The following SYNE1 variants were observed in gnomAD, a reference collection of about 807,000 sequenced individuals.
The protein encoded by SYNE1 is spectrin repeat containing nuclear envelope protein 1.
SYNE1 carries 616 observed loss-of-function variants against 1,111.0 expected under a neutral mutation model. The observed-to-expected ratio is 0.55, with a 90% CI of 0.52 to 0.59. SYNE1 has a LOEUF of 0.59. Among genes scored for constraint, SYNE1 ranks in the 20% least tolerant of loss-of-function variants. SYNE1 has a pLI of 0.00. For synonymous variants in SYNE1, 3,855 were observed against 3,825.8 expected (o/e 1.01, Z -0.28); for missense variants, 10,006 against 10,417.0 (o/e 0.96, Z 1.72).
intron 137 of SYNE1, chr6:152,146,024 CAAAAAA>C (rs57218606): frequency 6.0e-5 from 3 of 49,706 alleles, no homozygotes; most frequent in Non-Finnish European, 1.1e-4. Flanking sequence ...GACTTCGTCT[CAAAAAA>C]AAAAAAAAAA....
At chr6:152,620,733 C>T (rs865813355) in intron 3 of SYNE1, among the ~76,000 whole-genome samples, 3 of 152,112 alleles carry the variant, frequency 2.0e-5, no homozygotes, top group African/African-American at 4.8e-5. Flanking sequence ...ACCTCTATTC[C>T]GGCCTCCCAG....
At chr6:152,415,789 T>TAAAAAAAAAAAAAAA (rs1209590450) in intron 41 of SYNE1, among the ~76,000 whole-genome samples, 1 of 73,022 alleles carries the variant, frequency 1.4e-5, no homozygotes, top group African/African-American at 5.8e-5. Context: ...TTCAAAGTGG[T>TAAAAAAAAAAAAAAA]AAAAAAAAAA....
intron 139 of SYNE1, 110 bp from the exon 140 acceptor site, chr6:152,140,271 G>T: frequency 9.4e-7 from 1 of 1,067,176 alleles, no homozygotes; most frequent in Non-Finnish European, 1.4e-6. Context: ...AGAAAGAAAA[G>T]TAATTCCACT....
At chr6:152,390,736 C>A (rs1400324940) in intron 52 of SYNE1, among the ~76,000 whole-genome samples, 1 of 152,158 alleles carries the variant, frequency 6.6e-6, no homozygotes, top group East Asian at 1.9e-4. Context: ...AAAATACATT[C>A]TTTTGAAAAT....
intron 112 of SYNE1, among the ~76,000 whole-genome samples, 183 bp downstream of exon 112, chr6:152,233,598 T>C (rs916653260): frequency 6.6e-6 from 1 of 152,144 alleles, no homozygotes; most frequent in African/African-American, 2.4e-5. Flanking sequence ...GTGCTAGGAT[T>C]ACAGGTGCGA....
At chr6:152,580,970 A>G (rs1383879445) in intron 3 of SYNE1, among the ~76,000 whole-genome samples, 1 of 152,238 alleles carries the variant, frequency 6.6e-6, no homozygotes. Flanking sequence ...ACATCTGTTA[A>G]TACCTGTAAT....
Position 152,407,915 on chromosome 6 carries a change from C to T in SYNE1, c.6541-719G>A, listed in dbSNP as rs185321092. 2.1e-3 allele frequency among the ~76,000 whole-genome samples: 319 copies of T among 152,048 alleles called. 2 individuals are homozygous for T. Among genetic ancestry groups the T allele is most frequent in the African/African-American group, 7.4e-3 (306 of 41,488 alleles). ...TAGCTAGGATTACAGGCGCTCGCCA[C>T]CACGCCCGGCTAATTTTTTGTATTT... On this transcript the variant is annotated intron_variant, in intron 44 of 145. Coordinates refer to ENST00000367255, the MANE Select transcript of SYNE1 (RefSeq NM_182961.4).
chr6:152,625,675 G>A (rs1343580158), intron 3 of SYNE1, among the ~76,000 whole-genome samples: 2 of 152,104 alleles, frequency 1.3e-5, no homozygotes, highest in South Asian at 2.1e-4. Flanking sequence ...AATGCAATAA[G>A]TATAGTTACT....
At chr6:152,283,043 C>CAAGA (rs1161288812) in intron 96 of SYNE1, among the ~76,000 whole-genome samples, 1 of 152,140 alleles carries the variant, frequency 6.6e-6, no homozygotes, top group Non-Finnish European at 1.5e-5. Flanking sequence ...ATGATAGATA[C>CAAGA]TGTAAAGGTC....
At chr6:152,560,376 A>G (rs897050198) in intron 3 of SYNE1, among the ~76,000 whole-genome samples, 6 of 152,148 alleles carry the variant, frequency 3.9e-5, no homozygotes, top group African/African-American at 1.4e-4. Flanking sequence ...AAAAAGAAAA[A>G]TAAAAGAAGA....
Position 152,347,179 on chromosome 6 carries a change from T to G in SYNE1, c.11958A>C (p.Lys3986Asn). 6.2e-7 allele frequency: 1 copy of G among 1,614,202 alleles called. No homozygotes were observed. The highest frequency in any genetic ancestry group is 8.5e-7 in the Non-Finnish European group (1 of 1,180,042). ...CACATTGGCCAATCAAAGTATCACC[T>G]TTCATTTGAAGATTGTTCAAACGGT... ...FEDRLNNLQM[K>N]GDTLIGQCAD... is the part of the protein sequence containing the mutation. Residue 3986 changes from lysine (K) to asparagine (N), a missense_variant, in exon 73 of 146, where the codon AAA becomes AAC. Physicochemically the swap from Lys to Asn is moderately conservative, Grantham distance 94. This residue lies in a region of SYNE1 where 4,955 missense variants were observed against 5,017.2 expected (regional missense o/e 0.99). Coordinates refer to ENST00000367255, the MANE Select transcript of SYNE1 (RefSeq NM_182961.4).
intron 84 of SYNE1, 81 bp from the exon 85 acceptor site, chr6:152,319,096 CA>C (rs2153904333): frequency 6.4e-7 from 1 of 1,569,272 alleles, no homozygotes; most frequent in Non-Finnish European, 8.7e-7. Flanking sequence ...ATGATGTTGA[CA>C]AGACACATTT....
chr6:152,276,315 G>A (rs964861715), intron 98 of SYNE1, among the ~76,000 whole-genome samples: 3 of 152,104 alleles, frequency 2.0e-5, no homozygotes, highest in Non-Finnish European at 2.9e-5. Context: ...GGATACAGGC[G>A]TGAGCCACTG....
Position 152,189,728 on chromosome 6 carries a change from T to C in SYNE1, c.23146-321A>G, listed in dbSNP as rs927578838. Among the ~76,000 whole-genome samples, 10 of 152,328 alleles carry C rather than the reference T, an allele frequency of 6.6e-5. No homozygotes were observed. In the South Asian group the frequency reaches 8.3e-4, roughly 13 times the overall value. ...CAATGTACATACCTTAATTTAAAAA[T>C]ACTTTATTGTTTAAAAATGCTAATG... On this transcript the variant is annotated intron_variant, in intron 127 of 145. Transcript: ENST00000367255.
At chr6:152,302,820 G>A (rs1009268535) in intron 91 of SYNE1, among the ~76,000 whole-genome samples, 10 of 151,714 alleles carry the variant, frequency 6.6e-5, no homozygotes, top group Non-Finnish European at 1.3e-4. Context: ...TTTTGTTTTT[G>A]TTTTTGAGCA....
intron 5 of SYNE1, among the ~76,000 whole-genome samples, chr6:152,521,627 TCTC>T (rs964641944): frequency 3.9e-5 from 6 of 152,176 alleles, no homozygotes; most frequent in African/African-American, 7.2e-5. Context: ...AATGGGGACT[TCTC>T]CTCCTCTGTT....
At position 152,435,987 on chromosome 6, in the gene SYNE1, A is replaced by T. The variant is rs201084623; in HGVS notation, c.4264T>A (p.Ser1422Thr). Reference protein sequence around the residue: ...NKQLLQQQAKSIKEQVKKLED... With the variant: ...NKQLLQQQAKTIKEQVKKLED... ...AATTTTTTGACTTGTTCTTTGATTG[A>T]CTTGGCCTGCTGTTGAAGCAGCTGC... The change falls in exon 33 of 146, where the codon TCA becomes ACA. Residue 1422 changes from serine (S) to threonine (T), a missense_variant. By Grantham distance (58) the Ser-to-Thr change is moderately conservative. This residue lies in a region of SYNE1 where 1,971 missense variants were observed against 2,084.1 expected (regional missense o/e 0.95). Transcript: ENST00000367255. The T allele has an allele frequency of 1.9e-6, 3 of 1,614,082 alleles. No homozygotes were observed. Among genetic ancestry groups the T allele is most frequent in the Non-Finnish European group, 2.5e-6 (3 of 1,179,998 alleles).
chr6:152,613,606 G>A (rs2758797), intron 3 of SYNE1, among the ~76,000 whole-genome samples: 108,808 of 151,972 alleles, frequency 0.72, 39,022 homozygotes, highest in East Asian at 0.8. Flanking sequence ...TGCTACCAAT[G>A]ACTTTCTCCA....
chr6:152,152,171 A>G, intron 133 of SYNE1, 30 bp from the exon 134 acceptor site: 1 of 1,608,072 alleles, frequency 6.2e-7, no homozygotes, highest in Non-Finnish European at 8.5e-7. Flanking sequence ...TATCAGTGTG[A>G]GAAATCAGCG....
Sources: allele counts gnomAD v4.1 joint callset (sites outside exome capture counted in the v4.1 genomes callset), GRCh38; gene constraint gnomAD v4.1.1; regional missense constraint gnomAD v4.1.1; transcripts MANE v1.5; gene names NCBI Gene and HGNC (gene_info 2026-07-23, HGNC 2026-07-21).